The following FCER2 variants were observed in gnomAD, a reference collection of about 807,000 sequenced individuals.
The protein encoded by FCER2 is low affinity immunoglobulin epsilon Fc receptor.
A neutral mutation model predicts 49.7 loss-of-function variants in FCER2; 38 were observed. That is an observed-to-expected ratio of 0.76 (90% CI 0.59 to 1.00). The LOEUF (loss-of-function observed/expected upper bound fraction) is 1.00, where lower values mean the gene tolerates loss of function less well. FCER2 is among the 50% of genes least tolerant of loss of function. The probability of loss-of-function intolerance (pLI) is 0.00; values close to 1 mark genes in which losing one functional copy is unlikely to be tolerated. For synonymous variants in FCER2, 163 were observed against 164.6 expected, an observed-to-expected ratio of 0.99 and a Z score of 0.07; for missense variants, 425 against 419.5, an observed-to-expected ratio of 1.01 and a Z score of -0.11.
Position 7,699,738 on chromosome 19 carries a change from C to T in FCER2, c.22+1G>A, listed in dbSNP as rs749775571. On this transcript the variant is annotated splice_donor_variant, in intron 2 of 10. Coordinates refer to ENST00000597921, the MANE Select transcript of FCER2 (RefSeq NM_001220500.2). LOFTEE classifies it high-confidence loss of function. ...ACGTTAGAACCAGAGAGTCCTCCTA[C>T]CTGAATATTGACCTTCCTCCATGGC... The T allele has an allele frequency of 1.2e-6, 2 of 1,613,880 alleles. No homozygotes were observed. Among genetic ancestry groups the T allele is most frequent in the South Asian group, 1.1e-5 (1 of 91,070 alleles).
chr19:7,693,943 C>T (rs2032949161), intron 8 of FCER2, among the ~76,000 whole-genome samples: 1 of 150,842 alleles, frequency 6.6e-6, no homozygotes, highest in Non-Finnish European at 1.5e-5. Flanking sequence ...GCCACCATGC[C>T]CAGCCACAGA....
At chr19:7,689,971 T>C (rs2032814089) in intron 10 of FCER2, among the ~76,000 whole-genome samples, 188 bp downstream of exon 10, 1 of 152,038 alleles carries the variant, frequency 6.6e-6, no homozygotes, top group Admixed American at 6.6e-5. Flanking sequence ...CCTTCCTCTA[T>C]ATCCCCTCCT....
chr19:7,694,735 G>A (rs748564661), intron 8 of FCER2, among the ~76,000 whole-genome samples: 1 of 152,146 alleles, frequency 6.6e-6, no homozygotes, highest in Non-Finnish European at 1.5e-5. Context: ...CCCCAGTTAG[G>A]GCAGCTGGGG....
At chr19:7,699,589 G>T in intron 2 of FCER2, 150 bp downstream of exon 2, 3 of 1,173,794 alleles carry the variant, frequency 2.6e-6, no homozygotes, top group Admixed American at 4.3e-5. Flanking sequence ...AGTCAGTCCG[G>T]CCTCACCTCC....
At position 7,696,672 on chromosome 19, in the gene FCER2, G is replaced by A. The variant is rs547417988; in HGVS notation, c.469+153C>T. ...CATCCAAGCACACTCCCCACCCTGC[G>A]CTTATATCTTTGTGTCCTCCCGATG... On this transcript the variant is annotated intron_variant, in intron 8 of 10. Transcript: ENST00000597921. The A allele has an allele frequency of 9.5e-4, 603 of 631,640 alleles. 2 individuals carry two copies. Among genetic ancestry groups the A allele is most frequent in the Non-Finnish European group, 9.8e-4 (350 of 357,010 alleles). The allele number at this position is 631,640 out of a possible 1,614,324, so 39.1% of individuals were successfully genotyped here.
intron 8 of FCER2, among the ~76,000 whole-genome samples, chr19:7,694,405 A>G (rs919258695): frequency 1.3e-5 from 2 of 152,030 alleles, no homozygotes; most frequent in Admixed American, 1.3e-4. Context: ...CAAACCCCAA[A>G]ACCAGGAAGA....
At chr19:7,698,521 G>T in intron 3 of FCER2, 112 bp from the exon 4 acceptor site, 1 of 986,310 alleles carries the variant, frequency 1.0e-6, no homozygotes. Context: ...CCATGGAGGT[G>T]CTGAAAGTGT....
At chr19:7,696,194 G>C (rs1344350355) in intron 8 of FCER2, among the ~76,000 whole-genome samples, 1 of 151,998 alleles carries the variant, frequency 6.6e-6, no homozygotes, top group Admixed American at 6.6e-5. Context: ...CCACCTCCCG[G>C]GTTCAAGCAA....
chr19:7,698,939 G>A (rs1440846810), intron 2 of FCER2, 85 bp from the exon 3 acceptor site: 25 of 1,422,548 alleles, frequency 1.8e-5, no homozygotes, highest in East Asian at 1.5e-4. Flanking sequence ...CAGAGCCCCC[G>A]ACAGCCTGGG....
chr19:7,689,227 C>A lies in FCER2; in HGVS notation c.932G>T (p.Arg311Leu), dbSNP rs149654388. The change falls in exon 11 of 11, where the codon CGC (arginine) becomes CTC (leucine). Residue 311 changes from arginine to leucine, a missense_variant. Physicochemically the swap from Arg to Leu is moderately radical, Grantham distance 102. Coordinates refer to ENST00000597921, the MANE Select transcript of FCER2 (RefSeq NM_001220500.2). The stretch of plus-strand genomic sequence containing the variant: ...GAGAGGGGCAGAGGGGGTGGGCAGG[C>A]GGCCGTCAGGGTCTGGTCTTGAATC... ...GPDSRPDPDG[R>L]LPTPSAPLHS is the part of the protein sequence containing the mutation. 3.1e-6 allele frequency: 5 copies of A among 1,612,956 alleles called. No individual in the cohort carries two copies. The highest frequency in any genetic ancestry group is 2.7e-5 in the African/African-American group (2 of 74,906).
At chr19:7,696,785 G>A (rs754793002) in intron 8 of FCER2, 40 bp downstream of exon 8, 2 of 1,475,850 alleles carry the variant, frequency 1.4e-6, no homozygotes, top group Non-Finnish European at 1.9e-6. Context: ...AGCCCCAGGT[G>A]AGGTCACGCG....
At chr19:7,701,745 C>T (rs555684802) in intron 1 of FCER2, among the ~76,000 whole-genome samples, 9 of 152,250 alleles carry the variant, frequency 5.9e-5, no homozygotes, top group Middle Eastern at 3.4e-3. Flanking sequence ...CCATGGCTCC[C>T]CAGGGCCCTC....
chr19:7,696,635 A>T (rs2033019670), intron 8 of FCER2, 190 bp downstream of exon 8: 2 of 595,126 alleles, frequency 3.4e-6, no homozygotes, highest in Non-Finnish European at 3.0e-6. Flanking sequence ...CATCACGCAC[A>T]CCTCTGCCTC....
intron 8 of FCER2, among the ~76,000 whole-genome samples, chr19:7,693,374 G>C (rs12973523): frequency 0.5 from 74,432 of 149,502 alleles, 18,561 homozygotes; most frequent in African/African-American, 0.53. Context: ...TCCCCCCACC[G>C]CAGTGAAACT....
rs149266114 is a variant in FCER2, at chr19:7,698,804, C to A, written c.73G>T (p.Val25Leu). Residue 25 changes from valine to leucine, a missense_variant, in exon 3 of 11, where the codon GTG (valine) becomes TTG (leucine). By Grantham distance (32) the Val-to-Leu change is conservative (BLOSUM62 1). Coordinates refer to ENST00000597921, the MANE Select transcript of FCER2 (RefSeq NM_001220500.2). ...RRCCRRGTQI[V>L]LLGLVTAALW... ...GCGGCGGTCACCAGCCCCAGCAGCA[C>A]GATCTGAGTCCCACGCCTGCAACAC... The A allele has an allele frequency of 5.0e-6, 8 of 1,612,456 alleles. No homozygotes were observed. The highest frequency in any genetic ancestry group is 1.3e-5 in the African/African-American group (1 of 74,822).
chr19:7,695,284 C>T lies in FCER2; in HGVS notation c.469+1541G>A, dbSNP rs149979357. ...CCATCACTGCAGACATTACCCCCGT[C>T]TGGCTCCCTGCCCTGGTCAGACAAT... is the stretch of plus-strand genomic sequence containing the variant. On this transcript the variant is annotated intron_variant, in intron 8 of 10. Coordinates refer to ENST00000597921, the MANE Select transcript of FCER2 (RefSeq NM_001220500.2). 2.2e-3 allele frequency among the ~76,000 whole-genome samples: 335 copies of T among 152,322 alleles called. 2 individuals carry two copies. The highest frequency in any genetic ancestry group is 0.013 in the Admixed American group (196 of 15,294).
At position 7,696,193 on chromosome 19, in the gene FCER2, G is replaced by A. The variant is rs186756313; in HGVS notation, c.469+632C>T. Among the ~76,000 whole-genome samples, 457 of 152,086 alleles carry A rather than the reference G, an allele frequency of 3.0e-3. 6 individuals are homozygous for A. The highest frequency in any genetic ancestry group is 0.011 in the African/African-American group (436 of 41,500). ...TGGCTCACTGCAACCTCCACCTCCCGGGTTCAAGCAATTGTCCTGTCTCAG... is the reference window on the plus strand; with the variant it reads ...TGGCTCACTGCAACCTCCACCTCCCAGGTTCAAGCAATTGTCCTGTCTCAG... On this transcript the variant is annotated intron_variant, in intron 8 of 10. Coordinates refer to ENST00000597921, the MANE Select transcript of FCER2 (RefSeq NM_001220500.2).
chr19:7,695,401 G>T (rs1046655555), intron 8 of FCER2, among the ~76,000 whole-genome samples: 1 of 152,194 alleles, frequency 6.6e-6, no homozygotes, highest in Admixed American at 6.5e-5. Flanking sequence ...AACCCAGCGA[G>T]GGTCAACACT....
At chr19:7,698,580 G>A in intron 3 of FCER2, 161 bp downstream of exon 3, 1 of 947,132 alleles carries the variant, frequency 1.1e-6, no homozygotes, top group Non-Finnish European at 1.6e-6. Context: ...GAGGGTGGGG[G>A]ATGGGAAAGG....
Sources: gnomAD v4.1 joint callset for allele counts (sites outside exome capture counted in the v4.1 genomes callset) on GRCh38, gnomAD v4.1.1 for gene constraint, MANE v1.5 for transcripts, NCBI Gene and HGNC (gene_info 2026-07-23, HGNC 2026-07-21) for gene names.